Variants in PRKG1 observed in about 807,000 individuals in gnomAD.
The protein encoded by PRKG1 is protein kinase cGMP-dependent 1, also known as cGMP-dependent protein kinase 1.
PRKG1 carries 35 observed loss-of-function variants against 88.1 expected under a neutral mutation model. The observed-to-expected ratio is 0.40, with a 90% CI of 0.30 to 0.53. The LOEUF is 0.53. PRKG1 is among the 20% of genes least tolerant of loss of function. PRKG1 has a pLI of 0.59. For synonymous variants in PRKG1, 303 were observed against 292.5 expected, an observed-to-expected ratio of 1.04 and a Z score of -0.37; for missense variants, 540 against 839.8, an observed-to-expected ratio of 0.64 and a Z score of 4.41.
At chr10:51,299,322 C>G (rs1181667749) in intron 2 of PRKG1, among the ~76,000 whole-genome samples, 2 of 152,118 alleles carry the variant, frequency 1.3e-5, no homozygotes, top group Non-Finnish European at 2.9e-5. Context: ...TCTCCTTCCT[C>G]AGCCTCCTGA....
intron 3 of PRKG1, among the ~76,000 whole-genome samples, chr10:51,473,386 G>T (rs1220214596): frequency 6.6e-6 from 1 of 151,748 alleles, no homozygotes; most frequent in African/African-American, 2.4e-5. Flanking sequence ...TTTTTCTACA[G>T]GTTGAGAAGA....
At chr10:51,296,844 G>C (rs946374458) in intron 2 of PRKG1, among the ~76,000 whole-genome samples, 1 of 152,000 alleles carries the variant, frequency 6.6e-6, no homozygotes, top group Admixed American at 6.6e-5. Context: ...ATTAAACCTA[G>C]TTACATTGCC....
At chr10:51,687,015 C>T (rs1841011784) in intron 3 of PRKG1, among the ~76,000 whole-genome samples, 1 of 152,122 alleles carries the variant, frequency 6.6e-6, no homozygotes, top group South Asian at 2.1e-4. Flanking sequence ...GGATTACAGG[C>T]ATATATTACA....
intron 14 of PRKG1, among the ~76,000 whole-genome samples, chr10:52,282,653 C>CTA (rs1015113129): frequency 2.4e-4 from 36 of 152,162 alleles, no homozygotes; most frequent in African/African-American, 7.9e-4. Context: ...ATAAAAATAT[C>CTA]TAGGGTCAAT....
intron 3 of PRKG1, among the ~76,000 whole-genome samples, chr10:51,641,559 G>A (rs1288837392): frequency 6.6e-6 from 1 of 152,096 alleles, no homozygotes; most frequent in Non-Finnish European, 1.5e-5. Flanking sequence ...TGCCATGCTC[G>A]ATCAGCTGGT....
At chr10:52,168,569 C>T (rs991239879) in intron 9 of PRKG1, among the ~76,000 whole-genome samples, 2 of 152,096 alleles carry the variant, frequency 1.3e-5, no homozygotes, top group African/African-American at 4.8e-5. Context: ...GCAAATGAGA[C>T]GAGTTGGTTT....
At chr10:51,302,973 G>A (rs973146420) in intron 2 of PRKG1, 1 of 152,116 alleles carries the variant, frequency 6.6e-6, no homozygotes, top group East Asian at 1.9e-4. Flanking sequence ...GAGTATTTTG[G>A]CCCTTTATAG....
At chr10:51,655,117 C>T (rs970096559) in intron 3 of PRKG1, among the ~76,000 whole-genome samples, 1 of 152,178 alleles carries the variant, frequency 6.6e-6, no homozygotes, top group African/African-American at 2.4e-5. Context: ...TCCTGGGCCA[C>T]ATGCCCAGTA....
At chr10:52,088,299 A>G (rs544956305) in intron 7 of PRKG1, among the ~76,000 whole-genome samples, 15 of 151,022 alleles carry the variant, frequency 9.9e-5, no homozygotes, top group Non-Finnish European at 2.1e-4. Flanking sequence ...TAATGAGGAA[A>G]TAGTTTGTTT....
chr10:51,542,520 T>C (rs1313377118), intron 3 of PRKG1, among the ~76,000 whole-genome samples: 4 of 152,158 alleles, frequency 2.6e-5, no homozygotes, highest in South Asian at 2.1e-4. Context: ...CTTTCTTCTA[T>C]GTTCTTTGAT....
intron 1 of PRKG1, among the ~76,000 whole-genome samples, chr10:51,151,979 A>T (rs1846084588): frequency 6.6e-6 from 1 of 151,992 alleles, no homozygotes; most frequent in South Asian, 2.1e-4. Flanking sequence ...TAATTTTTTA[A>T]AAATTAAGAC....
intron 9 of PRKG1, among the ~76,000 whole-genome samples, chr10:52,206,401 A>G (rs1411569640): frequency 6.6e-6 from 1 of 151,956 alleles, no homozygotes; most frequent in East Asian, 1.9e-4. Context: ...TCTGAATTCT[A>G]TGTCTGTCAT....
intron 3 of PRKG1, among the ~76,000 whole-genome samples, chr10:51,494,239 G>A (rs891282920): frequency 6.6e-6 from 1 of 152,044 alleles, no homozygotes; most frequent in African/African-American, 2.4e-5. Flanking sequence ...CTTTGATTTA[G>A]TCTTAGAGAA....
chr10:51,862,042 T>C (rs10823742), intron 4 of PRKG1, among the ~76,000 whole-genome samples: 104,393 of 152,022 alleles, frequency 0.69, 36,054 homozygotes, highest in Non-Finnish European at 0.72. Context: ...AACCACGGAG[T>C]CCCAAAGGGT....
At chr10:51,711,036 T>TTTGGGCTGG (rs1841735486) in intron 3 of PRKG1, among the ~76,000 whole-genome samples, 5 of 151,458 alleles carry the variant, frequency 3.3e-5, no homozygotes, top group African/African-American at 7.3e-5. Flanking sequence ...AGACTTACAA[T>TTTGGGCTGG]TCCCCTTTTG....
chr10:51,431,792 A>G (rs893073220), intron 2 of PRKG1, among the ~76,000 whole-genome samples: 1 of 152,180 alleles, frequency 6.6e-6, no homozygotes, highest in Non-Finnish European at 1.5e-5. Context: ...GGCATAAACT[A>G]GAAGCTCCTT....
intron 2 of PRKG1, among the ~76,000 whole-genome samples, chr10:51,206,219 C>T (rs375622963): frequency 2.0e-5 from 3 of 151,888 alleles, no homozygotes; most frequent in South Asian, 2.1e-4. Context: ...CGGCTGGGCG[C>T]GGTGGTTCAC....
At chr10:52,215,835 G>GA (rs1360698890) in intron 9 of PRKG1, among the ~76,000 whole-genome samples, 2 of 152,144 alleles carry the variant, frequency 1.3e-5, no homozygotes, top group African/African-American at 4.8e-5. Flanking sequence ...CTCTAAAAGT[G>GA]AAAATGTCAT....
chr10:51,666,858 A>G (rs1256750968), intron 3 of PRKG1, among the ~76,000 whole-genome samples: 1 of 151,964 alleles, frequency 6.6e-6, no homozygotes, highest in African/African-American at 2.4e-5. Flanking sequence ...GCAGTGGTTC[A>G]ATCTCAGCTC....
Sources: gnomAD v4.1 joint callset for allele counts (sites outside exome capture counted in the v4.1 genomes callset) on GRCh38, gnomAD v4.1.1 for gene constraint, MANE v1.5 for transcripts, NCBI Gene and HGNC (gene_info 2026-07-23, HGNC 2026-07-21) for gene names.